The following UPP1 variants were observed in gnomAD, a reference collection of about 807,000 sequenced individuals.
The protein encoded by UPP1 is uridine phosphorylase 1.
Under a neutral mutation model 29.6 loss-of-function variants are expected in UPP1, and 25 were observed. The observed-to-expected ratio is 0.85, with a 90% confidence interval of 0.62 to 1.18. UPP1 has a LOEUF of 1.18. Among genes scored for constraint, UPP1 ranks in the 50% most tolerant of loss-of-function variants. The probability of loss-of-function intolerance (pLI) is 0.00; values close to 1 mark genes in which losing one functional copy is unlikely to be tolerated. For synonymous variants in UPP1, 165 were observed against 159.8 expected (o/e 1.03, Z -0.25); for missense variants, 368 against 410.4 (o/e 0.90, Z 0.89).
chr7:48,098,802 CATCTCT>C (rs970573561), intron 3 of UPP1, among the ~76,000 whole-genome samples: 98 of 152,300 alleles, frequency 6.4e-4, no homozygotes, highest in African/African-American at 2.2e-3. Flanking sequence ...GGAGCCCACC[CATCTCT>C]AGGACTCAGA....
intron 1 of UPP1, 185 bp downstream of exon 1, chr7:48,089,603 CG>C (rs1431948011): frequency 2.0e-5 from 3 of 153,804 alleles, no homozygotes; most frequent in Non-Finnish European, 4.3e-5. Context: ...GGCGCGCGGC[CG>C]GGAGGTTCTG....
chr7:48,099,814 G>T, intron 4 of UPP1, 27 bp downstream of exon 4: 1 of 1,519,786 alleles, frequency 6.6e-7, no homozygotes, highest in South Asian at 1.1e-5. Context: ...TGACACCTTG[G>T]AATTTGCCTT....
intron 4 of UPP1, 31 bp downstream of exon 4, chr7:48,099,818 T>A: frequency 2.0e-6 from 3 of 1,498,088 alleles, no homozygotes; most frequent in Non-Finnish European, 2.8e-6. Context: ...ACCTTGGAAT[T>A]TGCCTTAAGA....
rs147697613 is a variant in UPP1, at chr7:48,106,976, G to A, written c.540G>A (p.Thr180=). The change falls in exon 7 of 9, where the codon ACG becomes ACA. Residue 180 remains threonine (T), a synonymous_variant. Coordinates refer to ENST00000395564, the MANE Select transcript of UPP1 (RefSeq NM_003364.4). The part of the protein sequence containing the change: ...IVLGKRVIRK[T]DLNKKLVQEL... ...TGGGGAAGCGGGTCATCCGGAAAAC[G>A]GACCTTAACAAGAAGCTGGTGCAGG... 15 of 1,613,168 alleles carry A rather than the reference G, an allele frequency of 9.3e-6. No homozygotes were observed. The African/African-American group carries it at 9.3e-5, about 10-fold the overall frequency.
chr7:48,095,036 T>G (rs1445401451), intron 3 of UPP1, among the ~76,000 whole-genome samples: 1 of 152,172 alleles, frequency 6.6e-6, no homozygotes, highest in Non-Finnish European at 1.5e-5. Context: ...GGGCCTCAGC[T>G]CTTGATTCTT....
At chr7:48,107,234 T>A in intron 7 of UPP1, 127 bp from the exon 8 acceptor site, 1 of 1,397,564 alleles carries the variant, frequency 7.2e-7, no homozygotes, top group Non-Finnish European at 9.9e-7. Context: ...CCCGTTTGAG[T>A]GGTCATTATA....
chr7:48,102,060 A>C (rs1792458381), intron 5 of UPP1, 78 bp downstream of exon 5: 9 of 1,501,060 alleles, frequency 6.0e-6, no homozygotes, highest in Non-Finnish European at 8.1e-6. Flanking sequence ...ACACACAGAC[A>C]GCTGGTCCCC....
intron 3 of UPP1, among the ~76,000 whole-genome samples, chr7:48,098,644 CTT>C (rs1583865429): frequency 1.3e-5 from 2 of 152,190 alleles, no homozygotes; most frequent in East Asian, 1.9e-4. Context: ...CCTTGCCTCT[CTT>C]GTGTCTTTTT....
intron 2 of UPP1, among the ~76,000 whole-genome samples, chr7:48,093,811 T>G (rs1156316622): frequency 1.3e-5 from 2 of 152,126 alleles, no homozygotes; most frequent in African/African-American, 4.8e-5. Context: ...CTGATAACTT[T>G]TACCCATCTT....
intron 3 of UPP1, among the ~76,000 whole-genome samples, chr7:48,096,490 G>A (rs1792137264): frequency 6.6e-6 from 1 of 152,098 alleles, no homozygotes; most frequent in South Asian, 2.1e-4. Flanking sequence ...TGGCTGTTGC[G>A]AGATGCAGCC....
At chr7:48,099,609 A>G in intron 3 of UPP1, 61 bp from the exon 4 acceptor site, 1 of 1,193,888 alleles carries the variant, frequency 8.4e-7, no homozygotes, top group Non-Finnish European at 1.2e-6. Flanking sequence ...CACTTCTGTG[A>G]TAATGTCGGC....
chr7:48,090,096 CA>C (rs1791740725), intron 1 of UPP1, 91 bp from the exon 2 acceptor site: 1 of 152,220 alleles, frequency 6.6e-6, no homozygotes, highest in Admixed American at 6.5e-5. Context: ...AGAGAAACTT[CA>C]CAGGCATATG....
In UPP1 at chr7:48,100,752, G is replaced by A. The variant is rs532412116; in HGVS notation, c.162+965G>A. Among the ~76,000 whole-genome samples the A allele has an allele frequency of 1.1e-3, 170 of 152,320 alleles. 1 individual carries two copies. Among genetic ancestry groups the A allele is most frequent in the African/African-American group, 4.0e-3 (168 of 41,568 alleles). On this transcript the variant is annotated intron_variant, in intron 4 of 8. Coordinates refer to ENST00000395564, the MANE Select transcript of UPP1 (RefSeq NM_003364.4). ...ATCAATCATCCTGTTCTTTGATAGT[G>A]TTGGTTTCAAATGGTGGACAACTTC...
chr7:48,101,730 A>C (rs960003545), intron 4 of UPP1, 94 bp from the exon 5 acceptor site: 2 of 1,365,960 alleles, frequency 1.5e-6, no homozygotes, highest in Non-Finnish European at 2.0e-6. Context: ...TAGCAAGTTC[A>C]TTGGTAATAC....
In UPP1 at chr7:48,108,481, T is replaced by G; in HGVS notation, c.*124T>G. ...AGAATCTAGAAAATCAGATCGCGATTAAGAGACAGAGAATCTTGGATTAAC... is the reference window on the plus strand; with the variant it reads ...AGAATCTAGAAAATCAGATCGCGATGAAGAGACAGAGAATCTTGGATTAAC... On this transcript the variant is annotated 3_prime_UTR_variant, in exon 9 of 9. Coordinates refer to ENST00000395564, the MANE Select transcript of UPP1 (RefSeq NM_003364.4). 2.0e-5 allele frequency: 23 copies of G among 1,142,856 alleles called. No homozygotes were observed. The highest frequency in any genetic ancestry group is 3.0e-5 in the Admixed American group (1 of 32,884). 70.8% of individuals were successfully genotyped at this position (1,142,856 alleles called of 1,614,324 possible).
At position 48,108,359 on chromosome 7, in the gene UPP1, C is replaced by T. The variant is rs767481804; in HGVS notation, c.*2C>T. On this transcript the variant is annotated 3_prime_UTR_variant, in exon 9 of 9. Coordinates refer to ENST00000395564, the MANE Select transcript of UPP1 (RefSeq NM_003364.4). The stretch of plus-strand genomic sequence containing the variant: ...AAGAAGAAACTGAGCAAGGCCTGAG[C>T]GCTGCCCTGCACCTCCGCAGACCTG... 7.7e-5 allele frequency: 124 copies of T among 1,612,294 alleles called. No homozygotes were observed. The highest frequency in any genetic ancestry group is 9.7e-5 in the Non-Finnish European group (114 of 1,178,682).
chr7:48,101,210 C>G (rs945512846), intron 4 of UPP1, among the ~76,000 whole-genome samples: 1 of 152,106 alleles, frequency 6.6e-6, no homozygotes, highest in East Asian at 1.9e-4. Context: ...CAGCCATCTT[C>G]AAACTCTTTA....
rs1263378450 is a variant in UPP1 at position 48,103,706 on chromosome 7, CTTA to C, written c.436+298_436+300del. 5.6e-6 allele frequency: 7 copies of C among 1,258,624 alleles called. No homozygotes were observed. The East Asian group carries it at 3.4e-4, about 62-fold the overall frequency. 78.0% of individuals were successfully genotyped at this position (1,258,624 alleles called of 1,614,324 possible). Reference sequence around the variant, plus strand: ...TGCCTTCTTGTCTGCTTGATTCTGTCTTATTCTTTCTAATCCCCCTTCTTCTCC... The same window carrying C: ...TGCCTTCTTGTCTGCTTGATTCTGTCTTCTTTCTAATCCCCCTTCTTCTCC... On this transcript the variant is annotated intron_variant, in intron 6 of 8. Transcript: ENST00000395564.
chr7:48,089,241 A>T (rs1369236894), upstream of UPP1: 2 of 152,134 alleles, frequency 1.3e-5, no homozygotes, highest in Non-Finnish European at 2.9e-5. Flanking sequence ...TCCATATGAG[A>T]TTCACCTCGC....
Sources: allele counts gnomAD v4.1 joint callset (sites outside exome capture counted in the v4.1 genomes callset), GRCh38; gene constraint gnomAD v4.1.1; transcripts MANE v1.5; gene names NCBI Gene and HGNC (gene_info 2026-07-23, HGNC 2026-07-21).